PTPRN2: variants seen among roughly 807,000 people sequenced by gnomAD.
PTPRN2 encodes protein tyrosine phosphatase receptor type N2.
A neutral mutation model predicts 118.8 loss-of-function variants in PTPRN2; 74 were observed. That is an observed-to-expected ratio of 0.62 (90% CI 0.52 to 0.76). The LOEUF (loss-of-function observed/expected upper bound fraction) is 0.76, where lower values mean the gene tolerates loss of function less well. Among genes scored for constraint, PTPRN2 ranks in the 30% least tolerant of loss-of-function variants. PTPRN2 has a pLI of 0.00. For missense variants in PTPRN2, 1,481 were observed against 1,394.4 expected, an observed-to-expected ratio of 1.06 and a Z score of -0.99; for synonymous variants, 641 against 608.0, an observed-to-expected ratio of 1.05 and a Z score of -0.80.
chr7:158,272,257 G>T (rs4909166), intron 3 of PTPRN2, among the ~76,000 whole-genome samples: 6,030 of 152,274 alleles, frequency 0.04, 171 homozygotes, highest in East Asian at 0.12. Flanking sequence ...GGAGAGCCGC[G>T]TCTCCGGGGC....
chr7:158,168,844 A>G (rs1485268019), intron 5 of PTPRN2, among the ~76,000 whole-genome samples: 1 of 152,142 alleles, frequency 6.6e-6, no homozygotes, highest in African/African-American at 2.4e-5. Flanking sequence ...AGCTGTAAAA[A>G]TGTGAAAAGT....
intron 11 of PTPRN2, among the ~76,000 whole-genome samples, chr7:158,025,201 C>G (rs1214226617): frequency 1.3e-5 from 2 of 152,128 alleles, no homozygotes; most frequent in East Asian, 3.9e-4. Flanking sequence ...AGTGGGAGAG[C>G]CGCGCCTCCT....
intron 3 of PTPRN2, among the ~76,000 whole-genome samples, chr7:158,217,207 A>C (rs947592914): frequency 3.3e-5 from 5 of 152,170 alleles, no homozygotes; most frequent in African/African-American, 1.2e-4. Context: ...GTGGCCCCTG[A>C]TAGAGTGCTT....
At chr7:157,970,062 A>G (rs10265014) in intron 11 of PTPRN2, among the ~76,000 whole-genome samples, 117,458 of 151,948 alleles carry the variant, frequency 0.77, 45,600 homozygotes, top group East Asian at 0.86. Context: ...CCTGGCAAGG[A>G]AGTTGCAGAG....
rs1802889220 is a variant in PTPRN2, at chr7:157,617,779, T to C, written c.2344+3583A>G. On this transcript the variant is annotated intron_variant, in intron 15 of 22. Transcript: ENST00000389418. The surrounding 1 kb of genome is among the most constrained non-coding windows in gnomAD (Gnocchi z 7.5). ...CTGGGAGATGTGAACCCCACATGAC[T>C]CTCCTCCTTGCTGTCTTCCTGTCCC... 1 of 152,296 alleles carries C rather than the reference T, an allele frequency of 6.6e-6. No individual in the cohort carries two copies. Among genetic ancestry groups the C allele is most frequent in the Admixed American group, 6.5e-5 (1 of 15,292 alleles). The allele number at this position is 152,296 out of a possible 1,614,324, so 9.4% of individuals were successfully genotyped here. A position where few individuals can be genotyped will look rare whatever the true frequency, so the allele number is the denominator to read the frequency against.
intron 11 of PTPRN2, among the ~76,000 whole-genome samples, chr7:158,031,586 G>A (rs963005553): frequency 8.5e-5 from 13 of 152,136 alleles, no homozygotes; most frequent in Non-Finnish European, 1.8e-4. Context: ...CAGGAATTGG[G>A]AAATTAATGC....
chr7:157,828,329 C>G (rs764002878), intron 12 of PTPRN2, among the ~76,000 whole-genome samples: 4 of 152,192 alleles, frequency 2.6e-5, no homozygotes, highest in Non-Finnish European at 5.9e-5. Context: ...TCTTCACGAG[C>G]AACCACAGAA....
intron 2 of PTPRN2, among the ~76,000 whole-genome samples, chr7:158,330,216 T>A (rs1804094156): frequency 6.8e-6 from 1 of 146,126 alleles, no homozygotes; most frequent in African/African-American, 2.5e-5. Flanking sequence ...CCATAAGAGC[T>A]GACACCTGCA....
chr7:157,653,303 A>G (rs2530404), intron 14 of PTPRN2, among the ~76,000 whole-genome samples: 129,727 of 152,202 alleles, frequency 0.85, 55,692 homozygotes, highest in Admixed American at 0.91. Context: ...TTATCTGACC[A>G]TCCTGCCATC....
At chr7:158,340,475 T>C (rs1806489490) in intron 2 of PTPRN2, among the ~76,000 whole-genome samples, 1 of 103,000 alleles carries the variant, frequency 9.7e-6, no homozygotes. Context: ...ACATCCACAC[T>C]CTCACCATAA....
intron 3 of PTPRN2, among the ~76,000 whole-genome samples, chr7:158,208,854 A>G (rs777076899): frequency 3.9e-5 from 6 of 152,156 alleles, no homozygotes; most frequent in Admixed American, 2.0e-4. Flanking sequence ...TTTCAGATAT[A>G]AAGATATAAA....
rs74931090 is a variant in PTPRN2, at chr7:158,231,343, T to C, written c.278-26070A>G. On this transcript the variant is annotated intron_variant, in intron 3 of 22. Transcript: ENST00000389418. ...GCGGCTGTGCTTATATCAGATAAAA[T>C]AGACTGCAAGTCAAAGACTGCAAAA... 8.6e-3 allele frequency among the ~76,000 whole-genome samples: 1,308 copies of C among 152,128 alleles called. 22 individuals carry two copies. The highest frequency in any genetic ancestry group is 0.03 in the African/African-American group (1,235 of 41,490).
intron 1 of PTPRN2, among the ~76,000 whole-genome samples, chr7:158,571,326 A>C (rs946574832): frequency 2.0e-5 from 3 of 151,804 alleles, no homozygotes; most frequent in African/African-American, 4.8e-5. Flanking sequence ...AAAAATACAA[A>C]AATTAGCCAA....
chr7:158,194,263 T>A (rs963927389), intron 4 of PTPRN2, among the ~76,000 whole-genome samples: 1 of 152,230 alleles, frequency 6.6e-6, no homozygotes, highest in Non-Finnish European at 1.5e-5. Context: ...GACATGGAGT[T>A]TAGACACAGA....
At position 157,632,764 on chromosome 7, in the gene PTPRN2, TA is replaced by T. The variant is rs1416252127; in HGVS notation, c.2197-11256del. Among the ~76,000 whole-genome samples the T allele has an allele frequency of 2.0e-5, 3 of 152,206 alleles. No individual in the cohort carries two copies. The highest frequency in any genetic ancestry group is 4.4e-5 in the Non-Finnish European group (3 of 68,034). ...AATCTTATTATCTTATTTAACATCT[TA>T]AAAATTAAGGTTATGTGAACATAGG... On this transcript the variant is annotated intron_variant, in intron 14 of 22. Coordinates refer to ENST00000389418, the MANE Select transcript of PTPRN2 (RefSeq NM_002847.5). The surrounding 1 kb of genome is among the most constrained non-coding windows in gnomAD (Gnocchi z 4.3).
At chr7:158,446,108 C>A (rs1817709517) in intron 2 of PTPRN2, among the ~76,000 whole-genome samples, 1 of 152,148 alleles carries the variant, frequency 6.6e-6, no homozygotes, top group South Asian at 2.1e-4. Flanking sequence ...TCCTGCCCCA[C>A]CCAGCCCACC....
rs1586961161 is a variant in PTPRN2, at chr7:158,570,576, GC to G, written c.112+16981del. Reference sequence around the variant, plus strand: ...TGAAGCCTCTCCCTGTGTCCTCCGTGCCCCCCGAGTGGCCTGCTAGCCCGCT... The same window carrying G: ...TGAAGCCTCTCCCTGTGTCCTCCGTGCCCCCGAGTGGCCTGCTAGCCCGCT... On this transcript the variant is annotated intron_variant, in intron 1 of 22. Transcript: ENST00000389418. This position sits in a 1 kb window ranked among gnomAD's most constrained non-coding sequence, Gnocchi z 4.5. 6.6e-6 allele frequency among the ~76,000 whole-genome samples: 1 copy of G among 152,120 alleles called. No homozygotes were observed. Among genetic ancestry groups the G allele is most frequent in the Non-Finnish European group, 1.5e-5 (1 of 68,020 alleles).
rs368743573 is a variant in PTPRN2, at chr7:157,660,513, G to T, written c.2002-3962C>A. ...TGTGAACTTGGGAAAACCTCTAAAG[G>T]TCTCTAAGCCTATTTTTTCACTTTA... On this transcript the variant is annotated intron_variant, in intron 13 of 22. Coordinates refer to ENST00000389418, the MANE Select transcript of PTPRN2 (RefSeq NM_002847.5). Among the ~76,000 whole-genome samples, 108 of 152,228 alleles carry T rather than the reference G, an allele frequency of 7.1e-4. 1 individual carries two copies. The South Asian group carries it at 0.022, about 31-fold the overall frequency.
chr7:157,776,545 T>C (rs1487505235), intron 12 of PTPRN2, among the ~76,000 whole-genome samples: 1 of 65,564 alleles, frequency 1.5e-5, no homozygotes, highest in Non-Finnish European at 2.7e-5. Flanking sequence ...TCCTTCTCCC[T>C]CTCCTCCTCT....
Sources: gnomAD v4.1 joint callset for allele counts (sites outside exome capture counted in the v4.1 genomes callset) on GRCh38, gnomAD v4.1.1 for gene constraint, Gnocchi (gnomAD v3.1) non-coding constraint, MANE v1.5 for transcripts, NCBI Gene and HGNC (gene_info 2026-07-23, HGNC 2026-07-21) for gene names.